Variants in AKAP13 observed in about 807,000 individuals in gnomAD.
The protein encoded by AKAP13 is A-kinase anchoring protein 13, also known as A-kinase anchor protein 13.
A neutral mutation model predicts 264.5 loss-of-function variants in AKAP13; 80 were observed. The observed-to-expected ratio is 0.30, with a 90% CI of 0.25 to 0.36. AKAP13 has a LOEUF of 0.36. AKAP13 is among the 10% of genes least tolerant of loss of function. The pLI, the probability that AKAP13 is intolerant of heterozygous loss-of-function variation, is 1.00. For synonymous variants in AKAP13, 1,380 were observed against 1,250.2 expected, an observed-to-expected ratio of 1.10 and a Z score of -2.19; for missense variants, 3,712 against 3,435.2, an observed-to-expected ratio of 1.08 and a Z score of -2.01.
intron 1 of AKAP13, among the ~76,000 whole-genome samples, chr15:85,419,944 T>TG (rs1426663312): frequency 1.4e-5 from 2 of 140,202 alleles, no homozygotes; most frequent in African/African-American, 5.3e-5. Context: ...TGTTTTTTTT[T>TG]TTTTTTTTTT....
intron 14 of AKAP13, among the ~76,000 whole-genome samples, chr15:85,671,767 G>T (rs1231570424): frequency 1.3e-5 from 2 of 152,122 alleles, no homozygotes; most frequent in Non-Finnish European, 2.9e-5. Flanking sequence ...AGAAGGCCAG[G>T]AAGGCACTCT....
intron 8 of AKAP13, among the ~76,000 whole-genome samples, chr15:85,590,336 C>T (rs2079534582): frequency 6.6e-6 from 1 of 152,132 alleles, no homozygotes; most frequent in African/African-American, 2.4e-5. Flanking sequence ...GCATAAGAAC[C>T]TCTGTCGAGT....
intron 1 of AKAP13, among the ~76,000 whole-genome samples, chr15:85,473,733 G>A (rs1248367799): frequency 6.6e-6 from 1 of 152,176 alleles, no homozygotes; most frequent in African/African-American, 2.4e-5. Context: ...AGAGGGGAGG[G>A]AGGTGAAGCC....
At chr15:85,675,650 C>T (rs1197452619) in intron 14 of AKAP13, among the ~76,000 whole-genome samples, 1 of 152,114 alleles carries the variant, frequency 6.6e-6, no homozygotes, top group African/African-American at 2.4e-5. Context: ...GTAAATGCAG[C>T]AACTTAAACA....
chr15:85,582,872 G>C, intron 7 of AKAP13: 12 of 985,506 alleles, frequency 1.2e-5, no homozygotes, highest in Non-Finnish European at 1.4e-5. Flanking sequence ...CCTTGTGTCT[G>C]CTTTATCTTG....
intron 2 of AKAP13, among the ~76,000 whole-genome samples, chr15:85,513,345 G>GT (rs1006757306): frequency 1.3e-5 from 2 of 151,948 alleles, no homozygotes; most frequent in East Asian, 1.9e-4. Context: ...CCTTTTTACA[G>GT]TTTTTTGTGG....
chr15:85,742,269 A>G (rs1425924941), intron 35 of AKAP13, among the ~76,000 whole-genome samples: 1 of 152,226 alleles, frequency 6.6e-6, no homozygotes, highest in Non-Finnish European at 1.5e-5. Context: ...TTTAGGAGCA[A>G]CGCCACTGCT....
intron 8 of AKAP13, among the ~76,000 whole-genome samples, chr15:85,638,680 G>T (rs1398790320): frequency 1.3e-5 from 2 of 151,918 alleles, no homozygotes; most frequent in East Asian, 3.8e-4. Flanking sequence ...GGGGAAGGGG[G>T]AAGTATTTGC....
intron 20 of AKAP13, among the ~76,000 whole-genome samples, chr15:85,716,979 T>A (rs910729135): frequency 6.6e-5 from 10 of 152,208 alleles, no homozygotes; most frequent in African/African-American, 2.4e-4. Context: ...AGGCAATAAG[T>A]TTTAAACAGA....
At chr15:85,701,823 A>AG (rs1567203118) in intron 17 of AKAP13, among the ~76,000 whole-genome samples, 1 of 152,158 alleles carries the variant, frequency 6.6e-6, no homozygotes, top group Non-Finnish European at 1.5e-5. Context: ...CCTAATATGC[A>AG]CTAAGTTTCA....
At chr15:85,537,888 A>G (rs1443607918) in intron 4 of AKAP13, among the ~76,000 whole-genome samples, 1 of 152,240 alleles carries the variant, frequency 6.6e-6, no homozygotes, top group Non-Finnish European at 1.5e-5. Flanking sequence ...CACTTTAAAT[A>G]TGAACAGGAG....
chr15:85,452,067 T>C (rs959015098), intron 1 of AKAP13, among the ~76,000 whole-genome samples: 33 of 152,208 alleles, frequency 2.2e-4, no homozygotes, highest in African/African-American at 7.7e-4. Flanking sequence ...CTTTTTATTC[T>C]TTTGTCTTTA....
At chr15:85,666,448 A>G (rs2083605301) in intron 13 of AKAP13, among the ~76,000 whole-genome samples, 1 of 370 alleles carries the variant, frequency 2.7e-3, no homozygotes, top group Non-Finnish European at 4.3e-3. Context: ...GTAGATTGCA[A>G]AAATTTTCTG....
chr15:85,656,340 A>G (rs74499494), intron 11 of AKAP13, among the ~76,000 whole-genome samples: 1,945 of 152,326 alleles, frequency 0.013, 46 homozygotes, highest in African/African-American at 0.044. Flanking sequence ...CATTCATTAC[A>G]TACCATTAAA....
At chr15:85,425,608 C>T (rs915008391) in intron 1 of AKAP13, among the ~76,000 whole-genome samples, 2 of 150,718 alleles carry the variant, frequency 1.3e-5, no homozygotes, top group Admixed American at 6.6e-5. Context: ...CCCATCTACT[C>T]GGGAGGCTGA....
chr15:85,594,356 A>C (rs1303333624), intron 8 of AKAP13, among the ~76,000 whole-genome samples: 1 of 152,262 alleles, frequency 6.6e-6, no homozygotes, highest in African/African-American at 2.4e-5. Flanking sequence ...TTATTAAACC[A>C]GTAAATCAGA....
At chr15:85,631,282 G>A (rs969476656) in intron 8 of AKAP13, among the ~76,000 whole-genome samples, 3 of 152,070 alleles carry the variant, frequency 2.0e-5, no homozygotes, top group Non-Finnish European at 1.5e-5. Context: ...GACAGGGGAT[G>A]GGGGTGAGGC....
At chr15:85,461,472 C>A (rs2151000793) in intron 1 of AKAP13, among the ~76,000 whole-genome samples, 1 of 152,214 alleles carries the variant, frequency 6.6e-6, no homozygotes, top group Non-Finnish European at 1.5e-5. Flanking sequence ...CAGTGTTAAC[C>A]CTGAAAAGTT....
At chr15:85,610,852 G>A (rs1217776407) in intron 8 of AKAP13, among the ~76,000 whole-genome samples, 4 of 152,138 alleles carry the variant, frequency 2.6e-5, no homozygotes, top group Admixed American at 6.5e-5. Flanking sequence ...GGTGGCAGGC[G>A]CTTGTAATCC....
Sources: allele counts gnomAD v4.1 joint callset (sites outside exome capture counted in the v4.1 genomes callset), GRCh38; gene constraint gnomAD v4.1.1; transcripts MANE v1.5; gene names NCBI Gene and HGNC (gene_info 2026-07-23, HGNC 2026-07-21).